The following SNX8 variants were observed in gnomAD, a reference collection of about 807,000 sequenced individuals.
The protein encoded by SNX8 is sorting nexin 8, also known as sorting nexin-8.
Under a neutral mutation model 51.6 loss-of-function variants are expected in SNX8, and 25 were observed. That is an observed-to-expected ratio of 0.48 (90% CI 0.35 to 0.68). SNX8 has a LOEUF of 0.68. Among genes scored for constraint, SNX8 ranks in the 30% least tolerant of loss-of-function variants. The pLI is 0.00. For synonymous variants in SNX8, 324 were observed against 277.0 expected (o/e 1.17, Z -1.68); for missense variants, 695 against 624.0 (o/e 1.11, Z -1.21).
At chr7:2,351,532 C>T (rs1044178999) in intron 1 of SNX8, among the ~76,000 whole-genome samples, 4 of 151,988 alleles carry the variant, frequency 2.6e-5, no homozygotes, top group Admixed American at 6.6e-5. Context: ...GAGTGAGACC[C>T]TGTTAAAAAA....
chr7:2,338,361 C>G (rs896170182), intron 1 of SNX8, among the ~76,000 whole-genome samples: 1 of 151,726 alleles, frequency 6.6e-6, no homozygotes, highest in Non-Finnish European at 1.5e-5. Flanking sequence ...ACTCGGGAGG[C>G]TGAGGCAGGA....
At chr7:2,283,437 G>A (rs1296454839) in intron 1 of SNX8, among the ~76,000 whole-genome samples, 2 of 152,242 alleles carry the variant, frequency 1.3e-5, no homozygotes, top group Non-Finnish European at 2.9e-5. Context: ...GGGGTTCCCC[G>A]TGCCGATGGA....
intron 3 of SNX8, among the ~76,000 whole-genome samples, chr7:2,274,698 G>C (rs1795733664): frequency 6.6e-6 from 1 of 152,230 alleles, no homozygotes. Context: ...CGCTCCCATG[G>C]TGCCCATGGC....
Sources: allele counts gnomAD v4.1 joint callset (sites outside exome capture counted in the v4.1 genomes callset), GRCh38; gene constraint gnomAD v4.1.1; transcripts MANE v1.5; gene names NCBI Gene and HGNC (gene_info 2026-07-23, HGNC 2026-07-21).